HSCB: variants seen among roughly 807,000 people sequenced by gnomAD.
HSCB encodes the protein HscB mitochondrial iron-sulfur cluster cochaperone.
Under a neutral mutation model 31.3 loss-of-function variants are expected in HSCB, and 23 were observed. The ratio of observed to expected loss-of-function variants is 0.74; its 90% confidence interval spans 0.53 to 1.04. The LOEUF (loss-of-function observed/expected upper bound fraction) is 1.04, where lower values mean the gene tolerates loss of function less well. HSCB is among the 50% of genes least tolerant of loss of function. The pLI, the probability that HSCB is intolerant of heterozygous loss-of-function variation, is 0.00. For missense variants in HSCB, 297 were observed against 288.1 expected (o/e 1.03, Z -0.22); for synonymous variants, 110 against 104.5 (o/e 1.05, Z -0.32).
In HSCB at chr22:28,757,133, A is replaced by T; in HGVS notation, c.672A>T (p.Ile224=). ...CAAAGATGAGATACTTTTCAAATAT[A>T]GAAGAAAAGATCAAGTTAAAGAAGA... ...ILTKMRYFSN[I]EEKIKLKKIP... is the part of the protein sequence containing the mutation. The change falls in exon 6 of 6, where the codon ATA becomes ATT. Residue 224 remains isoleucine, a synonymous_variant. Coordinates refer to ENST00000216027, the MANE Select transcript of HSCB (RefSeq NM_172002.5). 6.4e-7 allele frequency: 1 copy of T among 1,567,954 alleles called. No homozygotes were observed. The highest frequency in any genetic ancestry group is 8.8e-7 in the Non-Finnish European group (1 of 1,138,610).
intron 4 of HSCB, 84 bp downstream of exon 4, chr22:28,746,092 T>C: frequency 7.2e-7 from 1 of 1,383,576 alleles, no homozygotes. Flanking sequence ...ACGTAGAGTA[T>C]ATAATGGCCC....
chr22:28,742,386 G>C, intron 1 of HSCB, 55 bp downstream of exon 1: 2 of 1,591,844 alleles, frequency 1.3e-6, no homozygotes, highest in Admixed American at 3.4e-5. Flanking sequence ...TCGAGGTCTG[G>C]CCTGCGAGAG....
chr22:28,747,987 C>A (rs2029947430), intron 4 of HSCB, among the ~76,000 whole-genome samples: 1 of 152,056 alleles, frequency 6.6e-6, no homozygotes, highest in African/African-American at 2.4e-5. Flanking sequence ...AGATCAAGAC[C>A]ATCCTGGGTA....
intron 1 of HSCB, 116 bp downstream of exon 1, chr22:28,742,447 G>A (rs141954950): frequency 6.8e-7 from 1 of 1,476,544 alleles, no homozygotes; most frequent in Non-Finnish European, 9.1e-7. Flanking sequence ...ATGGGGGGGC[G>A]GAGGTCTAGA....
At chr22:28,748,854 A>G (rs2030010945) in intron 4 of HSCB, among the ~76,000 whole-genome samples, 1 of 151,864 alleles carries the variant, frequency 6.6e-6, no homozygotes, top group Non-Finnish European at 1.5e-5. Context: ...GCCTTATTTC[A>G]ATTGACCAGG....
Position 28,752,456 on chromosome 22 carries a change from C to T in HSCB, c.616+1168C>T, listed in dbSNP as rs370003911. Among the ~76,000 whole-genome samples the T allele has an allele frequency of 3.7e-3, 545 of 147,510 alleles. 3 individuals are homozygous for T. Among genetic ancestry groups the T allele is most frequent in the African/African-American group, 0.013 (513 of 39,476 alleles). On this transcript the variant is annotated intron_variant, in intron 5 of 5. Transcript: ENST00000216027. ...AAAAAAAAAAAAAAAAAAATTGGGCCGGGCATGGTTAATGATGCCTGTAAC... is the reference window on the plus strand; with the variant it reads ...AAAAAAAAAAAAAAAAAAATTGGGCTGGGCATGGTTAATGATGCCTGTAAC...
intron 5 of HSCB, among the ~76,000 whole-genome samples, chr22:28,754,708 T>C (rs2146225660): frequency 1.3e-5 from 2 of 152,172 alleles, no homozygotes; most frequent in South Asian, 4.1e-4. Context: ...TGGTGATGCT[T>C]GCCCAACAAT....
chr22:28,755,083 C>T (rs76058844), intron 5 of HSCB, among the ~76,000 whole-genome samples: 1 of 147,816 alleles, frequency 6.8e-6, no homozygotes, highest in South Asian at 2.2e-4. Flanking sequence ...CGTGAGCCAC[C>T]GCGCCTGGCC....
chr22:28,742,571 C>A lies in HSCB; in HGVS notation c.236+240C>A, dbSNP rs1360232640. ...AGACGAACGGGACTGGAGGGGCGGG[C>A]GCTGAAGTTAGAGGAAATAGGGGGG... is the stretch of plus-strand genomic sequence containing the variant. On this transcript the variant is annotated intron_variant, in intron 1 of 5. Coordinates refer to ENST00000216027, the MANE Select transcript of HSCB (RefSeq NM_172002.5). 1.2e-5 allele frequency: 6 copies of A among 502,730 alleles called. 1 individual carries two copies. The highest frequency in any genetic ancestry group is 9.1e-5 in the South Asian group (2 of 21,868). The allele number at this position is 502,730 out of a possible 1,614,324, so 31.1% of individuals were successfully genotyped here.
chr22:28,747,154 C>A (rs2029899599), intron 4 of HSCB, among the ~76,000 whole-genome samples: 1 of 152,134 alleles, frequency 6.6e-6, no homozygotes, highest in South Asian at 2.1e-4. Flanking sequence ...AGAATTCCTT[C>A]CCAGAAAACC....
At chr22:28,755,559 G>C (rs191520332) in intron 5 of HSCB, among the ~76,000 whole-genome samples, 1 of 152,054 alleles carries the variant, frequency 6.6e-6, no homozygotes, top group African/African-American at 2.4e-5. Flanking sequence ...TTTCTTGATA[G>C]TTTTAACCAT....
intron 5 of HSCB, among the ~76,000 whole-genome samples, chr22:28,751,523 G>A (rs1026946847): frequency 5.9e-5 from 9 of 152,152 alleles, no homozygotes; most frequent in South Asian, 2.1e-4. Context: ...TAAGGCGGGC[G>A]GATCACGAAG....
chr22:28,755,622 T>A (rs183782072), intron 5 of HSCB, among the ~76,000 whole-genome samples: 3 of 152,260 alleles, frequency 2.0e-5, no homozygotes, highest in Admixed American at 2.0e-4. Flanking sequence ...TTTATATAAA[T>A]AATACATATC....
intron 1 of HSCB, among the ~76,000 whole-genome samples, chr22:28,743,038 T>G (rs1441218767): frequency 6.6e-6 from 1 of 152,050 alleles, no homozygotes; most frequent in Non-Finnish European, 1.5e-5. Flanking sequence ...GTGGAAAAGT[T>G]AGGGTGGTAT....
At chr22:28,752,908 G>A (rs1193263025) in intron 5 of HSCB, among the ~76,000 whole-genome samples, 4 of 150,712 alleles carry the variant, frequency 2.7e-5, no homozygotes, top group Non-Finnish European at 4.4e-5. Context: ...GTGGAACCCC[G>A]TCTCTACTAA....
At chr22:28,751,819 G>A (rs2030279563) in intron 5 of HSCB, among the ~76,000 whole-genome samples, 1 of 152,036 alleles carries the variant, frequency 6.6e-6, no homozygotes, top group Non-Finnish European at 1.5e-5. Flanking sequence ...TCTGGGAACA[G>A]TGACTCACGC....
At chr22:28,742,816 T>G in intron 1 of HSCB, 1 of 159,846 alleles carries the variant, frequency 6.3e-6, no homozygotes, top group Non-Finnish European at 1.4e-5. Flanking sequence ...ATGAAAAGCT[T>G]AATATTGTGG....
chr22:28,747,056 C>T (rs1214260521), intron 4 of HSCB, among the ~76,000 whole-genome samples: 1 of 151,756 alleles, frequency 6.6e-6, no homozygotes, highest in East Asian at 1.9e-4. Flanking sequence ...AGAGTGAGAC[C>T]CTGTCACAAA....
chr22:28,751,490 C>A (rs1462192005), intron 5 of HSCB, among the ~76,000 whole-genome samples: 2 of 152,164 alleles, frequency 1.3e-5, no homozygotes, highest in Non-Finnish European at 2.9e-5. Context: ...TGGCTAATGC[C>A]TGTAATCCCA....
Sources: gnomAD v4.1 joint callset for allele counts (sites outside exome capture counted in the v4.1 genomes callset) on GRCh38, gnomAD v4.1.1 for gene constraint, MANE v1.5 for transcripts, NCBI Gene and HGNC (gene_info 2026-07-23, HGNC 2026-07-21) for gene names.